Variants in NSRP1 observed in about 807,000 individuals in gnomAD.
NSRP1 encodes the protein coiled-coil domain containing 55.
NSRP1 carries 24 observed loss-of-function variants against 54.7 expected under a neutral mutation model. The ratio of observed to expected loss-of-function variants is 0.44; its 90% CI spans 0.32 to 0.62. The LOEUF (loss-of-function observed/expected upper bound fraction) is 0.62. Among genes scored for constraint, NSRP1 ranks in the 20% least tolerant of loss-of-function variants. NSRP1 has a pLI of 0.06. For synonymous variants in NSRP1, 210 were observed against 213.8 expected (o/e 0.98, Z 0.15); for missense variants, 596 against 651.2 (o/e 0.92, Z 0.92).
At chr17:30,173,385 G>A (rs955824971) in intron 3 of NSRP1, among the ~76,000 whole-genome samples, 3 of 152,196 alleles carry the variant, frequency 2.0e-5, no homozygotes, top group African/African-American at 7.2e-5. Flanking sequence ...AGGATAAAGT[G>A]CTCCTTAAGA....
intron 2 of NSRP1, among the ~76,000 whole-genome samples, chr17:30,159,957 C>T (rs59658465): frequency 0.035 from 5,271 of 152,186 alleles, 238 homozygotes; most frequent in African/African-American, 0.11. Flanking sequence ...CCATCGTGCC[C>T]GGCCAAGGTA....
chr17:30,139,836 AAC>A (rs1324292278), intron 2 of NSRP1, among the ~76,000 whole-genome samples: 5 of 152,320 alleles, frequency 3.3e-5, no homozygotes, highest in African/African-American at 7.2e-5. Flanking sequence ...CATCCTGGCT[AAC>A]ACAGTGAAAC....
intron 6 of NSRP1, 137 bp from the exon 7 acceptor site, chr17:30,184,478 T>C: frequency 9.1e-7 from 1 of 1,101,684 alleles, no homozygotes; most frequent in African/African-American, 1.6e-5. Context: ...CTTTTTGCAT[T>C]TGGATAATCA....
rs755527339 is a variant in NSRP1, at chr17:30,181,162, A to G, written c.617+146A>G. 9.9e-6 allele frequency: 6 copies of G among 607,062 alleles called. No individual in the cohort carries two copies. In the East Asian group the frequency reaches 1.5e-4, roughly 15 times the overall value. 37.6% of individuals were successfully genotyped at this position (607,062 alleles called of 1,614,324 possible). On this transcript the variant is annotated intron_variant, in intron 6 of 6. Transcript: ENST00000247026. The stretch of plus-strand genomic sequence containing the variant: ...GCCTTACCTAACTGAATGAATGGCT[A>G]GAAATTTGCAGTTTCTTGATTTTAA...
chr17:30,164,314 A>G (rs1904653020), intron 2 of NSRP1, among the ~76,000 whole-genome samples: 1 of 152,204 alleles, frequency 6.6e-6, no homozygotes, highest in African/African-American at 2.4e-5. Flanking sequence ...GTTTTTGAAA[A>G]GGTATTTTCC....
intron 2 of NSRP1, among the ~76,000 whole-genome samples, chr17:30,123,011 C>T (rs113401117): frequency 0.022 from 3,319 of 151,948 alleles, 51 homozygotes; most frequent in Non-Finnish European, 0.032. Flanking sequence ...TCTTGAACAC[C>T]TGGCCTCAAG....
chr17:30,178,499 A>G (rs955794819), intron 4 of NSRP1, among the ~76,000 whole-genome samples: 5 of 152,078 alleles, frequency 3.3e-5, no homozygotes, highest in South Asian at 2.1e-4. Flanking sequence ...TGCCCTGTGT[A>G]TGTTTATTTG....
intron 1 of NSRP1, 21 bp downstream of exon 1, chr17:30,116,884 G>A (rs368780885): frequency 1.3e-6 from 2 of 1,567,694 alleles, no homozygotes; most frequent in Non-Finnish European, 1.7e-6. Flanking sequence ...CGGGAGTTAG[G>A]GTCAGGCTGG....
At chr17:30,148,034 C>T (rs537008742) in intron 2 of NSRP1, among the ~76,000 whole-genome samples, 5 of 152,002 alleles carry the variant, frequency 3.3e-5, no homozygotes, top group Non-Finnish European at 5.9e-5. Context: ...GCTCATCTTG[C>T]GAACTCCTGA....
chr17:30,183,990 T>G (rs530987797), intron 6 of NSRP1, among the ~76,000 whole-genome samples: 1 of 152,140 alleles, frequency 6.6e-6, no homozygotes, highest in Non-Finnish European at 1.5e-5. Context: ...TCACCTGAGG[T>G]CAAGAGTTTG....
chr17:30,163,887 C>T (rs73276853), intron 2 of NSRP1, among the ~76,000 whole-genome samples: 2,398 of 151,720 alleles, frequency 0.016, 67 homozygotes, highest in African/African-American at 0.054. Flanking sequence ...GGTTTTACCA[C>T]GTTGGCAAGG....
intron 2 of NSRP1, among the ~76,000 whole-genome samples, chr17:30,122,118 G>A (rs979536487): frequency 4.0e-5 from 6 of 151,702 alleles, no homozygotes; most frequent in Admixed American, 1.3e-4. Flanking sequence ...AGATTGTAAC[G>A]TGTCAGTACT....
intron 2 of NSRP1, among the ~76,000 whole-genome samples, chr17:30,133,109 ATTTTTTTTTT>A (rs558445432): frequency 1.8e-5 from 2 of 110,934 alleles, no homozygotes; most frequent in African/African-American, 7.3e-5. Context: ...ACACCCAGCT[ATTTTTTTTTT>A]TTTTTTTTTT....
intron 2 of NSRP1, chr17:30,168,929 A>T (rs577539376): frequency 6.6e-6 from 1 of 152,034 alleles, no homozygotes; most frequent in Non-Finnish European, 1.5e-5. Flanking sequence ...TTTTCAGGTT[A>T]GGTTCAGAGT....
chr17:30,138,269 A>AT (rs748965427), intron 2 of NSRP1, among the ~76,000 whole-genome samples: 45 of 152,300 alleles, frequency 3.0e-4, no homozygotes, highest in Non-Finnish European at 5.1e-4. Flanking sequence ...GTTGTGAATA[A>AT]TGCTGCTATG....
At chr17:30,177,954 T>C in intron 3 of NSRP1, 117 bp from the exon 4 acceptor site, 3 of 1,206,426 alleles carry the variant, frequency 2.5e-6, no homozygotes, top group Non-Finnish European at 3.6e-6. Flanking sequence ...TATCTAAAAA[T>C]GTGATTGTAA....
rs770594411 is a variant in NSRP1, at chr17:30,185,227, G to A, written c.1230G>A (p.Lys410=). Residue 410 remains lysine, a synonymous_variant, in exon 7 of 7, where the codon AAG becomes AAA. Transcript: ENST00000247026. The part of the protein sequence containing the change: ...DQNRPSEKGE[K]EEKSKAKEEH... ...ACCGACCCAGTGAGAAAGGAGAGAAGGAAGAGAAAAGCAAAGCAAAGGAAG... is the reference window on the plus strand; with the variant it reads ...ACCGACCCAGTGAGAAAGGAGAGAAAGAAGAGAAAAGCAAAGCAAAGGAAG... 9.1e-5 allele frequency: 144 copies of A among 1,577,258 alleles called. 1 individual carries two copies. In the East Asian group the frequency reaches 2.6e-3, roughly 29 times the overall value.
chr17:30,141,778 G>A (rs1283017180), intron 2 of NSRP1, among the ~76,000 whole-genome samples: 2 of 152,170 alleles, frequency 1.3e-5, no homozygotes, highest in Non-Finnish European at 2.9e-5. Context: ...CAAAGTGGGC[G>A]GATTGATTGA....
chr17:30,160,822 A>G (rs1422075729), intron 2 of NSRP1, among the ~76,000 whole-genome samples: 2 of 152,180 alleles, frequency 1.3e-5, no homozygotes, highest in African/African-American at 2.4e-5. Context: ...TGTGCTCTCA[A>G]GGAGATTTGT....
Sources: allele counts gnomAD v4.1 joint callset (sites outside exome capture counted in the v4.1 genomes callset), GRCh38; gene constraint gnomAD v4.1.1; transcripts MANE v1.5; gene names NCBI Gene and HGNC (gene_info 2026-07-23, HGNC 2026-07-21).